PABPC4L: variants seen among roughly 807,000 people sequenced by gnomAD.
PABPC4L encodes polyadenylate-binding protein 4-like.
For synonymous variants in PABPC4L, 169 were observed against 164.1 expected (o/e 1.03, Z -0.23); for missense variants, 452 against 451.4 (o/e 1.00, Z -0.01).
At chr4:134,066,746 T>G in the PABPC4L span, among the ~76,000 whole-genome samples, 16 of 152,106 alleles carry the variant, frequency 1.1e-4, no homozygotes, top group East Asian at 3.1e-3. Flanking sequence ...GCTTTTAACA[T>G]GAAGAGAGGT....
At chr4:134,056,031 T>A in the PABPC4L span, among the ~76,000 whole-genome samples, 1 of 152,004 alleles carries the variant, frequency 6.6e-6, no homozygotes, top group Non-Finnish European at 1.5e-5. Flanking sequence ...TTTTTAACTA[T>A]TGATGTCCAA....
the PABPC4L span, among the ~76,000 whole-genome samples, chr4:134,112,552 T>C: frequency 6.6e-6 from 1 of 151,446 alleles, no homozygotes; most frequent in Non-Finnish European, 1.5e-5. Flanking sequence ...ATTCGGGTAA[T>C]TACTATGCTC....
the PABPC4L span, among the ~76,000 whole-genome samples, chr4:134,073,448 C>T: frequency 6.6e-6 from 1 of 152,138 alleles, no homozygotes; most frequent in East Asian, 1.9e-4. Flanking sequence ...GGGTATAGGC[C>T]CCCTGCTGGT....
At chr4:134,179,943 C>T in the PABPC4L span, among the ~76,000 whole-genome samples, 1 of 152,036 alleles carries the variant, frequency 6.6e-6, no homozygotes. Flanking sequence ...CTGTGGGATA[C>T]TTTAACACAT....
chr4:134,041,573 G>A, the PABPC4L span, among the ~76,000 whole-genome samples: 1 of 151,938 alleles, frequency 6.6e-6, no homozygotes, highest in Non-Finnish European at 1.5e-5. Context: ...ACTGGGGCCT[G>A]TCAGGGGATG....
the PABPC4L span, among the ~76,000 whole-genome samples, chr4:134,046,485 G>T: frequency 2.0e-5 from 3 of 151,086 alleles, no homozygotes; most frequent in African/African-American, 7.3e-5. Context: ...CCAGGGACAT[G>T]CAGGAGATGG....
chr4:134,155,324 G>T, the PABPC4L span, among the ~76,000 whole-genome samples: 2 of 151,252 alleles, frequency 1.3e-5, no homozygotes, highest in Non-Finnish European at 3.0e-5. Flanking sequence ...TCTGATAATA[G>T]GTTGTCTATT....
At chr4:134,103,941 T>G in the PABPC4L span, among the ~76,000 whole-genome samples, 1 of 151,716 alleles carries the variant, frequency 6.6e-6, no homozygotes, top group African/African-American at 2.4e-5. Flanking sequence ...CACATAATAC[T>G]GATGCCAGCT....
the PABPC4L span, among the ~76,000 whole-genome samples, chr4:134,092,685 G>T: frequency 6.6e-6 from 1 of 151,912 alleles, no homozygotes; most frequent in Non-Finnish European, 1.5e-5. Context: ...GTTCATAAAT[G>T]CATTTAAGGG....
chr4:134,166,184 A>T, the PABPC4L span, among the ~76,000 whole-genome samples: 1 of 152,110 alleles, frequency 6.6e-6, no homozygotes, highest in Non-Finnish European at 1.5e-5. Flanking sequence ...TACAATGTAC[A>T]CTACTCAGGT....
chr4:134,155,574 T>G, the PABPC4L span, among the ~76,000 whole-genome samples: 1 of 152,032 alleles, frequency 6.6e-6, no homozygotes, highest in East Asian at 1.9e-4. Flanking sequence ...ATAAATAATT[T>G]TTATTTTCAT....
chr4:133,982,292 T>C, the PABPC4L span, among the ~76,000 whole-genome samples: 2 of 152,028 alleles, frequency 1.3e-5, no homozygotes, highest in South Asian at 2.1e-4. Context: ...ATCCTATTTA[T>C]ATAGTGTATG....
chr4:134,081,281 C>T, the PABPC4L span, among the ~76,000 whole-genome samples: 3 of 151,966 alleles, frequency 2.0e-5, no homozygotes, highest in Non-Finnish European at 4.4e-5. Context: ...CTGGAGTTGC[C>T]CCGAAAGCAG....
the PABPC4L span, among the ~76,000 whole-genome samples, chr4:134,053,180 A>G: frequency 4.1e-3 from 627 of 152,248 alleles, 25 homozygotes; most frequent in East Asian, 0.091. Flanking sequence ...TTTCTTTCCT[A>G]AAGACACTAG....
chr4:134,008,143 G>T, the PABPC4L span, among the ~76,000 whole-genome samples: 2 of 151,722 alleles, frequency 1.3e-5, no homozygotes, highest in African/African-American at 2.4e-5. Context: ...GTATTAAATG[G>T]TTATTTTGTT....
At chr4:134,073,861 T>G in the PABPC4L span, among the ~76,000 whole-genome samples, 1 of 152,128 alleles carries the variant, frequency 6.6e-6, no homozygotes, top group East Asian at 1.9e-4. Flanking sequence ...TGGCTGAAGC[T>G]GAGGTATTAA....
chr4:134,160,485 T>C, the PABPC4L span, among the ~76,000 whole-genome samples: 1 of 152,148 alleles, frequency 6.6e-6, no homozygotes, highest in Non-Finnish European at 1.5e-5. Context: ...TTTGAATTCA[T>C]GGAAAGAAGG....
At chr4:133,976,608 C>T in the PABPC4L span, among the ~76,000 whole-genome samples, 2 of 152,184 alleles carry the variant, frequency 1.3e-5, no homozygotes, top group African/African-American at 4.8e-5. Context: ...TTCTCTGCAA[C>T]CTCACCAGCA....
the PABPC4L span, among the ~76,000 whole-genome samples, chr4:133,995,379 C>A: frequency 0.28 from 42,388 of 152,030 alleles, 8,629 homozygotes; most frequent in African/African-American, 0.53. Context: ...GTGTTTCAGT[C>A]CCCACCAGTT....
Sources: gnomAD v4.1 joint callset for allele counts (sites outside exome capture counted in the v4.1 genomes callset) on GRCh38, gnomAD v4.1.1 for gene constraint, MANE v1.5 for transcripts, NCBI Gene and HGNC (gene_info 2026-07-23, HGNC 2026-07-21) for gene names.